Variants in CAMKMT observed in about 807,000 individuals in gnomAD.
CAMKMT encodes the protein calmodulin-lysine N-methyltransferase.
Under a neutral mutation model 48.0 loss-of-function variants are expected in CAMKMT, and 53 were observed. That is an observed-to-expected ratio of 1.10 (90% CI 0.89 to 1.39). The LOEUF is 1.39. Among genes scored for constraint, CAMKMT ranks in the 40% most tolerant of loss-of-function variants. The probability of loss-of-function intolerance (pLI) is 0.00; values close to 1 mark genes in which losing one functional copy is unlikely to be tolerated. For synonymous variants in CAMKMT, 165 were observed against 152.3 expected, an observed-to-expected ratio of 1.08 and a Z score of -0.61; for missense variants, 428 against 402.7, an observed-to-expected ratio of 1.06 and a Z score of -0.54.
intron 3 of CAMKMT, among the ~76,000 whole-genome samples, chr2:44,592,583 T>G (rs1327275951): frequency 6.6e-6 from 1 of 152,196 alleles, no homozygotes; most frequent in African/African-American, 2.4e-5. Context: ...ATTGTTATAA[T>G]TGTTCTGTTT....
intron 3 of CAMKMT, among the ~76,000 whole-genome samples, chr2:44,603,094 A>G (rs907675276): frequency 1.3e-5 from 2 of 151,944 alleles, no homozygotes; most frequent in Admixed American, 6.6e-5. Flanking sequence ...GTTTATATAT[A>G]TCTTTGTTTT....
At chr2:44,447,541 T>G (rs1302044689) in intron 3 of CAMKMT, among the ~76,000 whole-genome samples, 3 of 152,234 alleles carry the variant, frequency 2.0e-5, no homozygotes, top group African/African-American at 7.2e-5. Context: ...ATTTCTTTCA[T>G]GTTGCATGTT....
chr2:44,541,737 C>T (rs578109887), intron 3 of CAMKMT, among the ~76,000 whole-genome samples: 1 of 146,726 alleles, frequency 6.8e-6, no homozygotes, highest in East Asian at 2.0e-4. Flanking sequence ...TGCCACTGAA[C>T]ACCAGCTTGG....
At chr2:44,492,264 A>G (rs1222974567) in intron 3 of CAMKMT, among the ~76,000 whole-genome samples, 16 of 152,160 alleles carry the variant, frequency 1.1e-4, no homozygotes, top group Non-Finnish European at 1.6e-4. Context: ...AGCAGATCAT[A>G]TTTGAAAATG....
chr2:44,720,553 G>A (rs1227569369), intron 7 of CAMKMT, among the ~76,000 whole-genome samples: 1 of 152,044 alleles, frequency 6.6e-6, no homozygotes, highest in Non-Finnish European at 1.5e-5. Flanking sequence ...TTTAGAGAAT[G>A]GCCACATGAT....
chr2:44,590,326 A>G (rs1233027871), intron 3 of CAMKMT, among the ~76,000 whole-genome samples: 2 of 152,234 alleles, frequency 1.3e-5, no homozygotes, highest in Non-Finnish European at 2.9e-5. Flanking sequence ...AGTTTGAGAA[A>G]GAATTGGTGT....
At chr2:44,410,669 G>A (rs933730151) in intron 3 of CAMKMT, among the ~76,000 whole-genome samples, 1 of 152,008 alleles carries the variant, frequency 6.6e-6, no homozygotes, top group Admixed American at 6.6e-5. Context: ...TATGTCAGTT[G>A]CCTGTTCTTT....
intron 3 of CAMKMT, among the ~76,000 whole-genome samples, chr2:44,674,171 C>T (rs1013768560): frequency 6.6e-6 from 1 of 152,116 alleles, no homozygotes; most frequent in African/African-American, 2.4e-5. Flanking sequence ...CTTCATCATG[C>T]TATATGTAAG....
chr2:44,577,256 C>T lies in CAMKMT; in HGVS notation c.377-127027C>T, dbSNP rs529005195. Among the ~76,000 whole-genome samples, 138 of 152,320 alleles carry T rather than the reference C, an allele frequency of 9.1e-4. 1 individual carries two copies. Among genetic ancestry groups the T allele is most frequent in the African/African-American group, 3.2e-3 (134 of 41,574 alleles). The stretch of plus-strand genomic sequence containing the variant: ...ACTTGCCATCCCAAAATATGTCAAA[C>T]TGGCATATTAATTATTTTGAAAACA... On this transcript the variant is annotated intron_variant, in intron 3 of 10. Transcript: ENST00000378494.
At chr2:44,526,534 G>T (rs1671412274) in intron 3 of CAMKMT, among the ~76,000 whole-genome samples, 1 of 152,174 alleles carries the variant, frequency 6.6e-6, no homozygotes, top group African/African-American at 2.4e-5. Context: ...GGCCAGCAGT[G>T]CAAGTCTGTA....
chr2:44,565,066 GT>G (rs1668539633), intron 3 of CAMKMT, among the ~76,000 whole-genome samples: 1 of 152,128 alleles, frequency 6.6e-6, no homozygotes, highest in Non-Finnish European at 1.5e-5. Context: ...TTTCTACTGG[GT>G]TGAGGGTTCT....
At chr2:44,616,069 C>T (rs1173104037) in intron 3 of CAMKMT, among the ~76,000 whole-genome samples, 1 of 152,196 alleles carries the variant, frequency 6.6e-6, no homozygotes. Context: ...CACCTCTTCT[C>T]CCCCGACCTC....
intron 8 of CAMKMT, among the ~76,000 whole-genome samples, chr2:44,753,123 T>G (rs1680218250): frequency 1.3e-5 from 2 of 151,972 alleles, no homozygotes; most frequent in South Asian, 4.2e-4. Flanking sequence ...TATAAAAACA[T>G]GAACCTGGGT....
At chr2:44,449,321 C>A (rs977986615) in intron 3 of CAMKMT, among the ~76,000 whole-genome samples, 1 of 152,140 alleles carries the variant, frequency 6.6e-6, no homozygotes, top group African/African-American at 2.4e-5. Flanking sequence ...TGAAAATAAA[C>A]CCATGCATGT....
chr2:44,474,151 T>C (rs868364976), intron 3 of CAMKMT, among the ~76,000 whole-genome samples: 1 of 152,130 alleles, frequency 6.6e-6, no homozygotes, highest in South Asian at 2.1e-4. Context: ...TAATAGAAAT[T>C]TAGTAAGCAT....
chr2:44,624,327 T>C (rs1672357467), intron 3 of CAMKMT, among the ~76,000 whole-genome samples: 4 of 152,198 alleles, frequency 2.6e-5, no homozygotes, highest in Admixed American at 1.3e-4. Context: ...AAATTTTATT[T>C]GTCTTTTTTA....
chr2:44,765,652 T>C (rs1002333680), intron 9 of CAMKMT, among the ~76,000 whole-genome samples: 1 of 152,178 alleles, frequency 6.6e-6, no homozygotes, highest in Non-Finnish European at 1.5e-5. Context: ...CAGATGGTCT[T>C]CTGAAATCCA....
At chr2:44,540,117 A>C (rs1189183598) in intron 3 of CAMKMT, among the ~76,000 whole-genome samples, 1 of 150,834 alleles carries the variant, frequency 6.6e-6, no homozygotes, top group Non-Finnish European at 1.5e-5. Flanking sequence ...ATTCTGTTAT[A>C]AGGAGAGGCT....
At chr2:44,737,892 G>T (rs1679448135) in intron 7 of CAMKMT, among the ~76,000 whole-genome samples, 1 of 135,782 alleles carries the variant, frequency 7.4e-6, no homozygotes. Flanking sequence ...GAGTCTCGCT[G>T]TTACCCAGGC....
Sources: allele counts gnomAD v4.1 joint callset (sites outside exome capture counted in the v4.1 genomes callset), GRCh38; gene constraint gnomAD v4.1.1; transcripts MANE v1.5; gene names NCBI Gene and HGNC (gene_info 2026-07-23, HGNC 2026-07-21).